The following NRXN1 variants were observed in gnomAD, a reference collection of about 807,000 sequenced individuals.
The protein encoded by NRXN1 is neurexin-1.
In NRXN1, 39 loss-of-function variants were observed where a neutral mutation model predicts 150.9. The ratio of observed to expected loss-of-function variants is 0.26; its 90% CI spans 0.20 to 0.34. The LOEUF is 0.34. Ranked by LOEUF, NRXN1 falls within the 10% of genes least tolerant of loss-of-function variation. NRXN1 has a pLI of 1.00. For synonymous variants in NRXN1, 924 were observed against 757.0 expected (o/e 1.22, Z -3.62); for missense variants, 1,815 against 1,949.9 (o/e 0.93, Z 1.30).
At chr2:50,150,020 G>A (rs757315779) in intron 18 of NRXN1, among the ~76,000 whole-genome samples, 6 of 151,610 alleles carry the variant, frequency 4.0e-5, no homozygotes, top group Non-Finnish European at 8.9e-5. Flanking sequence ...TCCAAGACTT[G>A]CACTCTTTAT....
intron 5 of NRXN1, among the ~76,000 whole-genome samples, chr2:50,886,668 G>A (rs553096189): frequency 1.3e-5 from 2 of 151,484 alleles, no homozygotes; most frequent in African/African-American, 4.8e-5. Flanking sequence ...GGGTGGGAGT[G>A]TTTGTGTGAA....
At position 50,175,896 on chromosome 2, in the gene NRXN1, T is replaced by C. The variant is rs184780521; in HGVS notation, c.3546+60893A>G. ...TCAGGTAATTCTGCACATTTTCTTC[T>C]CCTGAAGAGAAGCCATCACCAGAAG... On this transcript the variant is annotated intron_variant, in intron 18 of 22. Transcript: ENST00000401669. 8.7e-4 allele frequency among the ~76,000 whole-genome samples: 133 copies of C among 152,240 alleles called. 1 individual carries two copies. Among genetic ancestry groups the C allele is most frequent in the South Asian group, 4.4e-3 (21 of 4,820 alleles).
chr2:50,161,221 T>G (rs941652260), intron 18 of NRXN1, among the ~76,000 whole-genome samples: 1 of 152,138 alleles, frequency 6.6e-6, no homozygotes, highest in Admixed American at 6.6e-5. Flanking sequence ...AAGAATACTT[T>G]TATCTATTAT....
chr2:50,720,524 G>T (rs1418895669), intron 5 of NRXN1, among the ~76,000 whole-genome samples: 1 of 152,174 alleles, frequency 6.6e-6, no homozygotes, highest in Non-Finnish European at 1.5e-5. Context: ...AAAAAATGCA[G>T]TGCCTGAAAC....
rs143299676 is a variant in NRXN1, at chr2:50,942,425, A to G, written c.773-16470T>C. Among the ~76,000 whole-genome samples, 776 of 152,234 alleles carry G rather than the reference A, an allele frequency of 5.1e-3. 7 individuals carry two copies. Among genetic ancestry groups the G allele is most frequent in the African/African-American group, 0.018 (740 of 41,532 alleles). ...GATCCACCGACAGCTTGCACCATGA[A>G]CCTGGAAAGGCTGCAGGCACTTAAC... On this transcript the variant is annotated intron_variant, in intron 2 of 22. Coordinates refer to ENST00000401669, the MANE Select transcript of NRXN1 (RefSeq NM_001330078.2).
intron 5 of NRXN1, among the ~76,000 whole-genome samples, chr2:50,869,986 T>C (rs35570781): frequency 0.012 from 1,777 of 152,024 alleles, 14 homozygotes; most frequent in Middle Eastern, 0.024. Flanking sequence ...ACTTAAATGC[T>C]TTTTGGCTTT....
intron 17 of NRXN1, among the ~76,000 whole-genome samples, chr2:50,349,869 T>G (rs927799112): frequency 6.6e-6 from 1 of 152,192 alleles, no homozygotes; most frequent in Non-Finnish European, 1.5e-5. Context: ...TACCCTCATA[T>G]ATTGTGTTAA....
intron 8 of NRXN1, among the ~76,000 whole-genome samples, chr2:50,582,916 T>C (rs1309560631): frequency 6.6e-6 from 1 of 152,180 alleles, no homozygotes; most frequent in East Asian, 1.9e-4. Context: ...TAATGTCTAA[T>C]CACAGTACAC....
At chr2:50,800,245 G>A (rs1392691066) in intron 5 of NRXN1, among the ~76,000 whole-genome samples, 1 of 152,048 alleles carries the variant, frequency 6.6e-6, no homozygotes, top group Non-Finnish European at 1.5e-5. Flanking sequence ...GGAAATCTCT[G>A]AGGAGCCCAG....
intron 2 of NRXN1, among the ~76,000 whole-genome samples, chr2:50,966,788 T>C (rs531362939): frequency 3.6e-4 from 54 of 151,920 alleles, no homozygotes; most frequent in African/African-American, 1.2e-3. Flanking sequence ...AAATCTACTT[T>C]AATTTCCTTG....
intron 19 of NRXN1, among the ~76,000 whole-genome samples, chr2:50,063,162 T>G (rs942356489): frequency 1.3e-5 from 2 of 152,202 alleles, no homozygotes; most frequent in African/African-American, 4.8e-5. Flanking sequence ...TTCAACTGAA[T>G]GCAATGTGTA....
At chr2:50,062,853 G>A (rs1694758866) in intron 19 of NRXN1, among the ~76,000 whole-genome samples, 2 of 152,042 alleles carry the variant, frequency 1.3e-5, no homozygotes, top group Admixed American at 6.6e-5. Flanking sequence ...TGGGGAAAAA[G>A]TAAAGAAAAA....
chr2:49,989,721 T>A (rs1329037322), intron 21 of NRXN1, among the ~76,000 whole-genome samples: 1 of 152,182 alleles, frequency 6.6e-6, no homozygotes, highest in Non-Finnish European at 1.5e-5. Context: ...TAGGATTGGA[T>A]AGCTCAATAA....
At chr2:50,639,966 T>C (rs1026739537) in intron 5 of NRXN1, among the ~76,000 whole-genome samples, 2 of 152,216 alleles carry the variant, frequency 1.3e-5, no homozygotes, top group Admixed American at 6.5e-5. Context: ...TCTATATCAT[T>C]TTGTAATAAA....
intron 22 of NRXN1, among the ~76,000 whole-genome samples, chr2:49,928,577 T>C (rs1669536715): frequency 6.6e-6 from 1 of 152,156 alleles, no homozygotes; most frequent in Admixed American, 6.5e-5. Flanking sequence ...TGTAGCCTCC[T>C]GGGGTGTTTG....
chr2:49,921,996 G>T lies in NRXN1; in HGVS notation c.4472C>A (p.Ala1491Glu). 1 of 1,614,032 alleles carries T rather than the reference G, an allele frequency of 6.2e-7. No individual in the cohort carries two copies. The highest frequency in any genetic ancestry group is 1.1e-5 in the South Asian group (1 of 91,078). The change falls in exon 23 of 23, where the codon GCG (alanine) becomes GAG (glutamate). Residue 1491 changes from alanine (A) to glutamate (E), a missense_variant. Coordinates refer to ENST00000401669, the MANE Select transcript of NRXN1 (RefSeq NM_001330078.2). ...TTTCTTATTTTTGTTGGAGCTTTTC[G>T]CACTGCTGGGTTGTTTCTCCTTTAC... The part of the protein sequence containing the change: ...AVVKEKQPSS[A>E]KSSNKNKKNK...
chr2:50,154,806 A>C (rs58059970), intron 18 of NRXN1, among the ~76,000 whole-genome samples: 10 of 151,806 alleles, frequency 6.6e-5, no homozygotes, highest in Admixed American at 2.0e-4. Context: ...ACCAAGGAGG[A>C]TTTTGAATAC....
At chr2:50,167,213 G>A (rs563868810) in intron 18 of NRXN1, among the ~76,000 whole-genome samples, 1 of 152,156 alleles carries the variant, frequency 6.6e-6, no homozygotes, top group East Asian at 1.9e-4. Context: ...CTGCTCCCCT[G>A]CCTCACCCCT....
intron 17 of NRXN1, among the ~76,000 whole-genome samples, chr2:50,337,975 A>G (rs2077300569): frequency 6.6e-6 from 1 of 152,238 alleles, no homozygotes; most frequent in African/African-American, 2.4e-5. Context: ...CCAGAAGCCC[A>G]TCAGGAGTGT....
Sources: allele counts gnomAD v4.1 joint callset (sites outside exome capture counted in the v4.1 genomes callset), GRCh38; gene constraint gnomAD v4.1.1; transcripts MANE v1.5; gene names NCBI Gene and HGNC (gene_info 2026-07-23, HGNC 2026-07-21).